PTGES3: variants seen among roughly 807,000 people sequenced by gnomAD.
PTGES3 encodes Hsp90 co-chaperone.
PTGES3 carries 5 observed loss-of-function variants against 29.9 expected under a neutral mutation model. That is an observed-to-expected ratio of 0.17 (90% CI 0.09 to 0.35). The LOEUF is 0.35. PTGES3 is among the 10% of genes least tolerant of loss of function. The pLI is 1.00. For missense variants in PTGES3, 128 were observed against 190.0 expected, an observed-to-expected ratio of 0.67 and a Z score of 1.92; for synonymous variants, 49 against 57.8, an observed-to-expected ratio of 0.85 and a Z score of 0.69.
intron 1 of PTGES3, among the ~76,000 whole-genome samples, chr12:56,674,591 C>T (rs551477759): frequency 6.6e-6 from 1 of 151,810 alleles, no homozygotes; most frequent in South Asian, 2.1e-4. Context: ...CTTTGGGAGG[C>T]CGAGGCAGGA....
chr12:56,663,469 GACATT>G lies in PTGES3; in HGVS notation c.*1005_*1009del, dbSNP rs1403912214. ...GATCCACTTTTAAAAGGTTTCCTGT[GACATT>G]ACAGCAAGCCTCTTTTTTCAAACAG... is the stretch of plus-strand genomic sequence containing the variant. On this transcript the variant is annotated 3_prime_UTR_variant, in exon 8 of 8. Coordinates refer to ENST00000262033, the MANE Select transcript of PTGES3 (RefSeq NM_006601.7). 1 of 152,256 alleles carries G rather than the reference GACATT, an allele frequency of 6.6e-6. No homozygotes were observed. The highest frequency in any genetic ancestry group is 1.5e-5 in the Non-Finnish European group (1 of 68,024). The allele number at this position is 152,256 out of a possible 1,614,324, so 9.4% of individuals were successfully genotyped here.
At chr12:56,683,585 G>A (rs568441052) in intron 1 of PTGES3, among the ~76,000 whole-genome samples, 3 of 151,420 alleles carry the variant, frequency 2.0e-5, no homozygotes, top group South Asian at 2.1e-4. Flanking sequence ...AGAAGGCGGA[G>A]GTTGCAGTGA....
intron 1 of PTGES3, among the ~76,000 whole-genome samples, chr12:56,686,468 GAT>G (rs1952860455): frequency 6.6e-6 from 1 of 152,074 alleles, no homozygotes; most frequent in South Asian, 2.1e-4. Context: ...CCACCTCCCA[GAT>G]TCAAGCGATT....
At position 56,673,029 on chromosome 12, in the gene PTGES3, G is replaced by A; in HGVS notation, c.39C>T (p.Asp13=). 6.2e-7 allele frequency: 1 copy of A among 1,609,232 alleles called. No homozygotes were observed. ...CAACACAAAATTCAATGAAGACATAGTCCCTTCGATCGTACCACTTTGCAG... is the reference window on the plus strand; with the variant it reads ...CAACACAAAATTCAATGAAGACATAATCCCTTCGATCGTACCACTTTGCAG... ...PASAKWYDRR[D]YVFIEFCVED... Residue 13 remains aspartate (D), a synonymous_variant, in exon 2 of 8, where the codon GAC becomes GAT. Coordinates refer to ENST00000262033, the MANE Select transcript of PTGES3 (RefSeq NM_006601.7).
In PTGES3 at chr12:56,680,078, GTTTTT is replaced by G. The variant is rs111760867; in HGVS notation, c.3-7018_3-7014del. On this transcript the variant is annotated intron_variant, in intron 1 of 7. Coordinates refer to ENST00000262033, the MANE Select transcript of PTGES3 (RefSeq NM_006601.7). ...TTCCATTTTTGTTTTATTGGTTTTG[GTTTTT>G]TTTTTTTTTTGAGAAAGTCTTGCTG... Among the ~76,000 whole-genome samples, 3 of 139,590 alleles carry G rather than the reference GTTTTT, an allele frequency of 2.1e-5. No individual in the cohort carries two copies. In the Admixed American group the frequency reaches 2.2e-4, roughly 10 times the overall value. The allele number at this position is 139,590 out of a possible 152,430, so 91.6% of individuals were successfully genotyped here.
At chr12:56,670,247 G>C (rs765190560) in intron 5 of PTGES3, 28 bp downstream of exon 5, 3 of 1,476,604 alleles carry the variant, frequency 2.0e-6, no homozygotes, top group Admixed American at 3.3e-5. Flanking sequence ...TGCTTCGAAT[G>C]GGGAGAGGTC....
chr12:56,665,997 T>C (rs1951769314), intron 6 of PTGES3: 7 of 1,306,818 alleles, frequency 5.4e-6, no homozygotes, highest in Non-Finnish European at 6.9e-6. Context: ...ATCTAATCCA[T>C]TTAGGAATGG....
chr12:56,676,112 G>A (rs1952228346), intron 1 of PTGES3, among the ~76,000 whole-genome samples: 1 of 147,952 alleles, frequency 6.8e-6, no homozygotes, highest in African/African-American at 2.5e-5. Context: ...TGTAATACCA[G>A]CTATTTGGGA....
intron 1 of PTGES3, chr12:56,687,702 C>T: frequency 7.5e-7 from 1 of 1,340,446 alleles, no homozygotes; most frequent in Non-Finnish European, 9.5e-7. Context: ...GAGCTTAAGG[C>T]CTAGGGTGAA....
At chr12:56,667,630 TAGTC>T (rs1214092720) in intron 5 of PTGES3, among the ~76,000 whole-genome samples, 2 of 152,170 alleles carry the variant, frequency 1.3e-5, no homozygotes, top group East Asian at 1.9e-4. Flanking sequence ...ATACCTAAGA[TAGTC>T]AGACACACAA....
At chr12:56,667,304 T>C (rs971208468) in intron 5 of PTGES3, among the ~76,000 whole-genome samples, 36 of 152,216 alleles carry the variant, frequency 2.4e-4, no homozygotes, top group East Asian at 1.9e-4. Flanking sequence ...GAGAAACTTA[T>C]TTTCTCAAGT....
rs1319913907 is a variant in PTGES3, at chr12:56,666,273, G to C, written c.376-7C>G. 4 of 1,601,094 alleles carry C rather than the reference G, an allele frequency of 2.5e-6. No individual in the cohort carries two copies. In the African/African-American group the frequency reaches 5.4e-5, roughly 22 times the overall value. Reference sequence around the variant, plus strand: ...CACCCATGTTGTTCATCATCTATTTGAAGTGTAAAAATTAGTTTTAAAAAT... The same window carrying C: ...CACCCATGTTGTTCATCATCTATTTCAAGTGTAAAAATTAGTTTTAAAAAT... On this transcript the variant is annotated splice_polypyrimidine_tract_variant and splice_region_variant and intron_variant, in intron 5 of 7. Transcript: ENST00000262033.
chr12:56,666,477 C>T (rs953026401), intron 5 of PTGES3, among the ~76,000 whole-genome samples: 1 of 151,954 alleles, frequency 6.6e-6, no homozygotes. Context: ...CTAAATTTTC[C>T]CTAAAGAAAA....
At chr12:56,678,298 C>A (rs1056620872) in intron 1 of PTGES3, among the ~76,000 whole-genome samples, 1 of 152,064 alleles carries the variant, frequency 6.6e-6, no homozygotes, top group African/African-American at 2.4e-5. Context: ...CTTCCTCAGT[C>A]CCTTGAGTAG....
Position 56,664,278 on chromosome 12 carries a change from T to A in PTGES3, c.*201A>T. Reference sequence around the variant, plus strand: ...TCATGCATAAGGTTATTGCCTTAGCTGACTTAAAATTGCCCCATACAATGG... The same window carrying A: ...TCATGCATAAGGTTATTGCCTTAGCAGACTTAAAATTGCCCCATACAATGG... On this transcript the variant is annotated 3_prime_UTR_variant, in exon 8 of 8. Coordinates refer to ENST00000262033, the MANE Select transcript of PTGES3 (RefSeq NM_006601.7). The A allele has an allele frequency of 1.9e-6, 1 of 519,496 alleles. No individual in the cohort carries two copies. Among genetic ancestry groups the A allele is most frequent in the Non-Finnish European group, 3.5e-6 (1 of 288,776 alleles). The allele number at this position is 519,496 out of a possible 1,614,324, so 32.2% of individuals were successfully genotyped here.
intron 1 of PTGES3, among the ~76,000 whole-genome samples, chr12:56,679,975 C>G (rs1952449663): frequency 6.6e-6 from 1 of 152,026 alleles, no homozygotes; most frequent in Non-Finnish European, 1.5e-5. Flanking sequence ...GCACCCAGCC[C>G]TCTCCATATG....
Position 56,688,060 on chromosome 12 carries a change from C to CT in PTGES3, c.-62dup. The stretch of plus-strand genomic sequence containing the variant: ...CGGGCCTCTCTGGCGGCGGCTGCTG[C>CT]TAGGGAGTCGACTTCTCTCCGGTGG... On this transcript the variant is annotated 5_prime_UTR_variant, in exon 1 of 8. Transcript: ENST00000262033. The CT allele has an allele frequency of 6.8e-7, 1 of 1,474,990 alleles. No individual in the cohort carries two copies. The highest frequency in any genetic ancestry group is 9.0e-7 in the Non-Finnish European group (1 of 1,111,282). 91.4% of individuals were successfully genotyped at this position (1,474,990 alleles called of 1,614,324 possible). A position where few individuals can be genotyped will look rare whatever the true frequency, so the allele number is the denominator to read the frequency against.
At chr12:56,672,904 G>T (rs535955935) in intron 2 of PTGES3, 48 bp downstream of exon 2, 2 of 1,559,184 alleles carry the variant, frequency 1.3e-6, no homozygotes, top group South Asian at 1.2e-5. Flanking sequence ...AAGTTATTCA[G>T]TTGTGTGAAT....
Position 56,683,473 on chromosome 12 carries a change from CAAAAAAAAAA to C in PTGES3, c.2+4515_2+4524del, listed in dbSNP as rs71081388. On this transcript the variant is annotated intron_variant, in intron 1 of 7. Coordinates refer to ENST00000262033, the MANE Select transcript of PTGES3 (RefSeq NM_006601.7). ...GGGCAACAAGAGAGAAACTCTGTCT[CAAAAAAAAAA>C]AAAAAAAAAAAAAAAAAATTAGCCA... is the stretch of plus-strand genomic sequence containing the variant. Among the ~76,000 whole-genome samples the C allele has an allele frequency of 5.7e-4, 17 of 29,760 alleles. 1 individual carries two copies. The South Asian group carries it at 9.4e-3, about 17-fold the overall frequency. 19.5% of individuals were successfully genotyped at this position (29,760 alleles called of 152,430 possible).
Sources: allele counts gnomAD v4.1 joint callset (sites outside exome capture counted in the v4.1 genomes callset), GRCh38; gene constraint gnomAD v4.1.1; transcripts MANE v1.5; gene names NCBI Gene and HGNC (gene_info 2026-07-23, HGNC 2026-07-21).